Variants in ZNF43 observed in about 807,000 individuals in gnomAD.
ZNF43 encodes the protein zinc finger protein 43.
Under a neutral mutation model 68.4 loss-of-function variants are expected in ZNF43, and 44 were observed. The observed-to-expected ratio is 0.64, with a 90% CI of 0.51 to 0.83. ZNF43 has a LOEUF of 0.83. Ranked by LOEUF, ZNF43 falls within the 40% of genes least tolerant of loss-of-function variation. The probability of loss-of-function intolerance (pLI) is 0.00; values close to 1 mark genes in which losing one functional copy is unlikely to be tolerated. For synonymous variants in ZNF43, 308 were observed against 307.8 expected (o/e 1.00, Z -0.01); for missense variants, 896 against 933.2 (o/e 0.96, Z 0.52).
chr19:21,820,567 G>A (rs1020462446), intron 1 of ZNF43, among the ~76,000 whole-genome samples: 1 of 149,034 alleles, frequency 6.7e-6, no homozygotes, highest in African/African-American at 2.5e-5. Flanking sequence ...GACAGAGAAA[G>A]ACTCTGTCTC....
intron 1 of ZNF43, among the ~76,000 whole-genome samples, chr19:21,833,676 G>A: frequency 6.6e-6 from 1 of 151,982 alleles, no homozygotes; most frequent in East Asian, 1.9e-4. Context: ...AATGAAGTGT[G>A]GCTGAGGAAA....
intron 3 of ZNF43, among the ~76,000 whole-genome samples, chr19:21,812,414 T>C (rs947305789): frequency 3.9e-5 from 6 of 152,216 alleles, no homozygotes; most frequent in African/African-American, 1.4e-4. Flanking sequence ...GCTCCTGGCC[T>C]ATAAACAACT....
chr19:21,817,929 C>G lies in ZNF43; in HGVS notation c.188G>C (p.Trp63Ser). 6.2e-7 allele frequency: 1 copy of G among 1,613,258 alleles called. No homozygotes were observed. Among genetic ancestry groups the G allele is most frequent in the Admixed American group, 1.7e-5 (1 of 59,972 alleles). ...ITCLEQEKEP[W>S]EPMRRHEMVA... ...CATTTCATGTCTCCTCATAGGCTCC[C>G]AAGGCTCTTTTTCTTGCTCCAGACA... The change falls in exon 3 of 4, where the codon TGG becomes TCG. Residue 63 changes from tryptophan (W) to serine (S), a missense_variant. Coordinates refer to ENST00000354959, the MANE Select transcript of ZNF43 (RefSeq NM_003423.4).
intron 1 of ZNF43, among the ~76,000 whole-genome samples, chr19:21,824,211 T>G (rs2037997393): frequency 1.3e-5 from 2 of 152,080 alleles, no homozygotes; most frequent in African/African-American, 4.8e-5. Context: ...ACTGCCCTGG[T>G]AGAGCTCCAG....
rs74174041 is a variant in ZNF43, at chr19:21,806,169, C to CTTTTTTTTTTTTTTTTT, written c.*1421_*1437dup. On this transcript the variant is annotated 3_prime_UTR_variant, in exon 4 of 4. Coordinates refer to ENST00000354959, the MANE Select transcript of ZNF43 (RefSeq NM_003423.4). ...CTCCAGTTACATTTTCATCACGCAT[C>CTTTTTTTTTTTTTTTTT]TTTTTTTTTTTTTTTTTTCTTTTTG... The CTTTTTTTTTTTTTTTTT allele has an allele frequency of 1.6e-5, 2 of 126,122 alleles. No homozygotes were observed. Among genetic ancestry groups the CTTTTTTTTTTTTTTTTT allele is most frequent in the Non-Finnish European group, 3.5e-5 (2 of 57,922 alleles). The allele number at this position is 126,122 out of a possible 1,614,324, so 7.8% of individuals were successfully genotyped here.
chr19:21,851,155 C>G (rs1400965121), intron 1 of ZNF43: 1 of 152,146 alleles, frequency 6.6e-6, no homozygotes, highest in East Asian at 1.9e-4. Context: ...TGAGAGTAAC[C>G]AACCCACCTG....
In ZNF43 at chr19:21,808,330, T is replaced by C. The variant is rs778877896; in HGVS notation, c.1707A>G (p.Glu569=). The change falls in exon 4 of 4, where the codon GAA becomes GAG. Residue 569 remains glutamate, a synonymous_variant. Transcript: ENST00000354959. ...IHTGEKPYKC[E]ECGKAFTQSS... ...ATTGGGTAAAAGCTTTGCCACATTC[T>C]TCACACTTGTAGGGTTTCTCTCCAG... 2.5e-6 allele frequency: 4 copies of C among 1,613,358 alleles called. No homozygotes were observed. Among genetic ancestry groups the C allele is most frequent in the Admixed American group, 1.7e-5 (1 of 59,996 alleles).
upstream of ZNF43, among the ~76,000 whole-genome samples, chr19:21,838,282 GATTT>G (rs1967256794): frequency 6.6e-6 from 1 of 152,054 alleles, no homozygotes; most frequent in African/African-American, 2.4e-5. Flanking sequence ...GGCATCAAGA[GATTT>G]ATTTTCCTTT....
chr19:21,838,179 T>A (rs1432918962), upstream of ZNF43: 2 of 152,198 alleles, frequency 1.3e-5, no homozygotes, highest in Non-Finnish European at 2.9e-5. Context: ...GTAGCTTTTT[T>A]ATCTTTGTAG....
intron 1 of ZNF43, chr19:21,851,793 G>A: frequency 2.5e-6 from 3 of 1,207,762 alleles, no homozygotes; most frequent in Non-Finnish European, 2.2e-6. Flanking sequence ...AGAGGGGCCT[G>A]GGGCGGAGCT....
intron 3 of ZNF43, among the ~76,000 whole-genome samples, chr19:21,811,653 C>T (rs1377497471): frequency 6.6e-6 from 1 of 151,098 alleles, no homozygotes; most frequent in Non-Finnish European, 1.5e-5. Context: ...GGTACTGACA[C>T]AAAGACAGAT....
chr19:21,834,257 G>C (rs1413800808), intron 1 of ZNF43, among the ~76,000 whole-genome samples: 11 of 147,988 alleles, frequency 7.4e-5, no homozygotes, highest in Non-Finnish European at 1.5e-4. Context: ...AGAATCACTT[G>C]AATCAGGGAG....
At chr19:21,824,260 A>C (rs1349212219) in intron 1 of ZNF43, among the ~76,000 whole-genome samples, 2 of 152,152 alleles carry the variant, frequency 1.3e-5, no homozygotes, top group Non-Finnish European at 2.9e-5. Flanking sequence ...GCTCTTAGGT[A>C]AGAAAAAAAG....
intron 1 of ZNF43, among the ~76,000 whole-genome samples, chr19:21,848,741 C>T (rs1191000500): frequency 6.6e-6 from 1 of 152,150 alleles, no homozygotes; most frequent in Non-Finnish European, 1.5e-5. Context: ...CCGTACAGGT[C>T]CCAGTTCTAG....
chr19:21,810,306 G>A (rs1363549043), intron 3 of ZNF43, among the ~76,000 whole-genome samples: 1 of 152,208 alleles, frequency 6.6e-6, no homozygotes, highest in Non-Finnish European at 1.5e-5. Flanking sequence ...AACTGGAAAT[G>A]TCACATGGTA....
upstream of ZNF43, among the ~76,000 whole-genome samples, chr19:21,836,785 C>T (rs993990720): frequency 2.6e-5 from 4 of 152,056 alleles, no homozygotes; most frequent in Admixed American, 2.0e-4. Flanking sequence ...AGAGATGAAG[C>T]CTCACTAGAT....
In ZNF43 at chr19:21,809,772, C is replaced by T; in HGVS notation, c.265G>A (p.Glu89Lys). 2 of 1,583,878 alleles carry T rather than the reference C, an allele frequency of 1.3e-6. No individual in the cohort carries two copies. Among genetic ancestry groups the T allele is most frequent in the Non-Finnish European group, 8.6e-7 (1 of 1,169,478 alleles). ...CSHFTQDFWP[E>K]QHIKDPFQKA... is the part of the protein sequence containing the mutation. ...TGGAAAGGATCTTTTATATGCTGCT[C>T]TGGCCAAAAGTCTTGGGTAAAATGA... The change falls in exon 4 of 4, where the codon GAG (glutamate) becomes AAG (lysine). Residue 89 changes from glutamate to lysine, a missense_variant. By Grantham distance (56) the Glu-to-Lys change is moderately conservative. Transcript: ENST00000354959.
intron 1 of ZNF43, among the ~76,000 whole-genome samples, chr19:21,824,204 G>A (rs2037996349): frequency 1.3e-5 from 2 of 151,988 alleles, no homozygotes; most frequent in South Asian, 4.1e-4. Flanking sequence ...AAATAGAACT[G>A]CCCTGGTAGA....
Position 21,809,179 on chromosome 19 carries a change from G to T in ZNF43, c.858C>A (p.Tyr286Ter). The change falls in exon 4 of 4, where the codon TAC (tyrosine) becomes TAA (stop). Residue 286 changes from tyrosine (Y) to a stop codon, truncating the protein, a stop_gained. Transcript: ENST00000354959. LOFTEE classifies it high-confidence loss of function. ...HKIIRTGEKF[Y>*]KCKECAKAFN... ...AAGCTTTGGCACATTCTTTACATTTGTAGAATTTCTCTCCAGTGCGAATTA... is the reference window on the plus strand; with the variant it reads ...AAGCTTTGGCACATTCTTTACATTTTTAGAATTTCTCTCCAGTGCGAATTA... 1 of 1,613,270 alleles carries T rather than the reference G, an allele frequency of 6.2e-7. No homozygotes were observed. The highest frequency in any genetic ancestry group is 8.5e-7 in the Non-Finnish European group (1 of 1,179,730).
Sources: gnomAD v4.1 joint callset for allele counts (sites outside exome capture counted in the v4.1 genomes callset) on GRCh38, gnomAD v4.1.1 for gene constraint, MANE v1.5 for transcripts, NCBI Gene and HGNC (gene_info 2026-07-23, HGNC 2026-07-21) for gene names.